DNAH9: variants seen among roughly 807,000 people sequenced by gnomAD.
DNAH9 encodes dynein axonemal heavy chain 9.
DNAH9 carries 345 observed loss-of-function variants against 471.6 expected under a neutral mutation model. The observed-to-expected ratio is 0.73, with a 90% CI of 0.67 to 0.80. The LOEUF (loss-of-function observed/expected upper bound fraction) is 0.80, where lower values mean the gene tolerates loss of function less well. Ranked by LOEUF, DNAH9 falls within the 30% of genes least tolerant of loss-of-function variation. The pLI is 0.00. For synonymous variants in DNAH9, 2,093 were observed against 2,123.6 expected, an observed-to-expected ratio of 0.99 and a Z score of 0.40; for missense variants, 5,407 against 5,609.2, an observed-to-expected ratio of 0.96 and a Z score of 1.15.
intron 28 of DNAH9, among the ~76,000 whole-genome samples, chr17:11,730,050 C>T (rs1251566711): frequency 2.0e-5 from 3 of 152,222 alleles, no homozygotes; most frequent in Non-Finnish European, 4.4e-5. Context: ...CCAAACTGTT[C>T]CTTGATGAAG....
chr17:11,839,388 C>T (rs990919369), intron 49 of DNAH9, among the ~76,000 whole-genome samples: 3 of 152,004 alleles, frequency 2.0e-5, no homozygotes, highest in South Asian at 2.1e-4. Flanking sequence ...CGGTGGCAGG[C>T]GCCTGTAGTC....
At chr17:11,884,366 C>A (rs555312951) in intron 56 of DNAH9, 2 of 315,072 alleles carry the variant, frequency 6.3e-6, no homozygotes, top group East Asian at 8.3e-5. Flanking sequence ...AGGGGCCCAA[C>A]CCCTGCTCTG....
chr17:11,779,333 C>G (rs1968584287), intron 38 of DNAH9, among the ~76,000 whole-genome samples: 1 of 152,116 alleles, frequency 6.6e-6, no homozygotes, highest in African/African-American at 2.4e-5. Context: ...AACTCAAACC[C>G]TCTTCTTCTC....
intron 68 of DNAH9, among the ~76,000 whole-genome samples, chr17:11,967,199 T>C (rs113650614): frequency 0.17 from 26,102 of 151,846 alleles, 2,375 homozygotes; most frequent in Admixed American, 0.21. Context: ...CTCAACTTCC[T>C]GGGCTCAAGC....
At chr17:11,617,081 C>A (rs1420753888) in intron 4 of DNAH9, among the ~76,000 whole-genome samples, 2 of 152,156 alleles carry the variant, frequency 1.3e-5, no homozygotes, top group Non-Finnish European at 2.9e-5. Context: ...GAAGGAAAGT[C>A]TTTCTGATTC....
At chr17:11,894,196 C>T (rs1432375163) in intron 58 of DNAH9, among the ~76,000 whole-genome samples, 178 bp from the exon 59 acceptor site, 1 of 152,154 alleles carries the variant, frequency 6.6e-6, no homozygotes. Context: ...AATAGAGGGA[C>T]ACAGTAGTAA....
In DNAH9 at chr17:11,875,109, C is replaced by T; in HGVS notation, c.10403C>T (p.Pro3468Leu). ...GAGCGCTGGCCACTCATGGTTGACC[C>T]TCAGCTACAAGGCATCAAATGGATC... The part of the protein sequence containing the change: ...NCERWPLMVD[P>L]QLQGIKWIKN... The change falls in exon 53 of 69, where the codon CCT (proline) becomes CTT (leucine). Residue 3468 changes from proline to leucine, a missense_variant. By Grantham distance (98) the Pro-to-Leu change is moderately conservative (BLOSUM62 -3). Coordinates refer to ENST00000262442, the MANE Select transcript of DNAH9 (RefSeq NM_001372.4). 6.2e-7 allele frequency: 1 copy of T among 1,614,148 alleles called. No homozygotes were observed. The highest frequency in any genetic ancestry group is 8.5e-7 in the Non-Finnish European group (1 of 1,180,036).
intron 14 of DNAH9, among the ~76,000 whole-genome samples, chr17:11,658,343 A>G (rs1268862013): frequency 2.0e-5 from 3 of 152,152 alleles, no homozygotes; most frequent in African/African-American, 7.2e-5. Context: ...TACAAGCATC[A>G]TTGATTTTTA....
At chr17:11,774,331 CCTTT>C (rs148026096) in intron 38 of DNAH9, among the ~76,000 whole-genome samples, 3,256 of 152,194 alleles carry the variant, frequency 0.021, 104 homozygotes, top group African/African-American at 0.075. Context: ...CCATACTATA[CCTTT>C]CTTTGGCAAC....
chr17:11,721,336 T>C (rs1312582030), intron 27 of DNAH9, among the ~76,000 whole-genome samples: 1 of 152,128 alleles, frequency 6.6e-6, no homozygotes, highest in Non-Finnish European at 1.5e-5. Context: ...TAAGCTTCCA[T>C]GGAATACAGG....
chr17:11,740,459 C>G (rs1012317248), intron 29 of DNAH9, among the ~76,000 whole-genome samples: 1 of 152,122 alleles, frequency 6.6e-6, no homozygotes, highest in African/African-American at 2.4e-5. Context: ...TTGCTGTATC[C>G]TCACATGGAG....
intron 53 of DNAH9, among the ~76,000 whole-genome samples, chr17:11,876,488 A>AC (rs113916773): frequency 1.3e-5 from 2 of 152,178 alleles, no homozygotes; most frequent in African/African-American, 4.8e-5. Flanking sequence ...AAGGGAAAAA[A>AC]TTCTGACACA....
rs1597483358 is a variant in DNAH9, at chr17:11,690,427, G to A, written c.4605G>A (p.Gln1535=). Residue 1535 remains glutamine (Q), a synonymous_variant, in exon 20 of 69, where the codon CAG becomes CAA. Coordinates refer to ENST00000262442, the MANE Select transcript of DNAH9 (RefSeq NM_001372.4). ...IFTGSEDIRA[Q]LPQDSKRFEG... ...CTGGATCTGAAGATATTCGGGCACA[G>A]CTACCCCAGGTACCTGCTAAGGAAA... The A allele has an allele frequency of 6.2e-7, 1 of 1,613,096 alleles. No individual in the cohort carries two copies. The highest frequency in any genetic ancestry group is 2.2e-5 in the East Asian group (1 of 44,870).
At chr17:11,817,502 A>G (rs949282998) in intron 45 of DNAH9, among the ~76,000 whole-genome samples, 2 of 152,222 alleles carry the variant, frequency 1.3e-5, no homozygotes, top group South Asian at 2.1e-4. Context: ...TGCATATCAT[A>G]CAGTCTCTGT....
chr17:11,697,929 T>C (rs958789974), intron 22 of DNAH9, among the ~76,000 whole-genome samples: 2 of 151,330 alleles, frequency 1.3e-5, no homozygotes, highest in South Asian at 2.1e-4. Context: ...TTTAATGTAA[T>C]TGAAAGAAAA....
rs1185113030 is a variant in DNAH9 at position 11,807,785 on chromosome 17, G to C, written c.8474G>C (p.Gly2825Ala). Residue 2825 changes from glycine (G) to alanine (A), a missense_variant, in exon 44 of 69, where the codon GGT becomes GCT. By Grantham distance (60) the Gly-to-Ala change is moderately conservative. This residue lies in a region of DNAH9 where 4,636 missense variants were observed against 4,900.3 expected (regional missense o/e 0.95). Transcript: ENST00000262442. ...CCGCGGGGAAATGCTCTGCTGGTTG[G>C]TGTAGGTGGGAGCGGCAAGCAGAGC... ...ESPRGNALLV[G>A]VGGSGKQSLT... The C allele has an allele frequency of 6.2e-7, 1 of 1,614,086 alleles. No homozygotes were observed. The highest frequency in any genetic ancestry group is 2.2e-5 in the East Asian group (1 of 44,878).
chr17:11,717,170 C>A (rs2074978643), intron 26 of DNAH9, among the ~76,000 whole-genome samples: 1 of 152,198 alleles, frequency 6.6e-6, no homozygotes, highest in South Asian at 2.1e-4. Context: ...TTCAGCCTTT[C>A]AAAGGCTGAA....
intron 26 of DNAH9, among the ~76,000 whole-genome samples, chr17:11,708,732 T>C (rs2074776044): frequency 6.6e-6 from 1 of 152,200 alleles, no homozygotes; most frequent in Admixed American, 6.5e-5. Flanking sequence ...CTGCCTATCT[T>C]GGAATATAAG....
chr17:11,823,896 G>A (rs11867402), intron 48 of DNAH9, among the ~76,000 whole-genome samples: 6 of 150,552 alleles, frequency 4.0e-5, no homozygotes, highest in African/African-American at 4.9e-5. Context: ...CACCACTGCC[G>A]TCCAGCCTGG....
Sources: allele counts gnomAD v4.1 joint callset (sites outside exome capture counted in the v4.1 genomes callset), GRCh38; gene constraint gnomAD v4.1.1; regional missense constraint gnomAD v4.1.1; transcripts MANE v1.5; gene names NCBI Gene and HGNC (gene_info 2026-07-23, HGNC 2026-07-21).